TNFRSF9: variants seen among roughly 807,000 people sequenced by gnomAD.
The protein encoded by TNFRSF9 is tumor necrosis factor receptor superfamily member 9.
A neutral mutation model predicts 28.8 loss-of-function variants in TNFRSF9; 16 were observed. The observed-to-expected ratio is 0.55, with a 90% CI of 0.38 to 0.84. The LOEUF is 0.84. Among genes scored for constraint, TNFRSF9 ranks in the 40% least tolerant of loss-of-function variants. TNFRSF9 has a pLI of 0.00. For synonymous variants in TNFRSF9, 131 were observed against 117.0 expected (o/e 1.12, Z -0.77); for missense variants, 303 against 315.0 (o/e 0.96, Z 0.29).
At chr1:7,935,935 G>A (rs1254070943) in intron 5 of TNFRSF9, among the ~76,000 whole-genome samples, 6 of 152,246 alleles carry the variant, frequency 3.9e-5, no homozygotes, top group Non-Finnish European at 7.4e-5. Context: ...CATCTGACAC[G>A]CTGAGTAAAT....
chr1:7,929,259 A>G, intron 7 of TNFRSF9, among the ~76,000 whole-genome samples: 1 of 141,834 alleles, frequency 7.1e-6, no homozygotes, highest in South Asian at 2.2e-4. Context: ...TCCGCCTCCC[A>G]GGTTCAAGTA....
chr1:7,922,704 C>A (rs999698964), intron 7 of TNFRSF9, among the ~76,000 whole-genome samples: 1 of 151,614 alleles, frequency 6.6e-6, no homozygotes, highest in Non-Finnish European at 1.5e-5. Context: ...CTTAGCTATT[C>A]GGGAGTCTGA....
Position 7,933,292 on chromosome 1 carries a change from G to A in TNFRSF9, c.549C>T (p.His183=). 6.2e-7 allele frequency: 1 copy of A among 1,612,908 alleles called. No homozygotes were observed. The highest frequency in any genetic ancestry group is 8.5e-7 in the Non-Finnish European group (1 of 1,179,402). ...GAAAGAAGGAGATGATCTGCGGAGA[G>A]TGTCCTGCAAAACACAGCAAAAGGA... The part of the protein sequence containing the change: ...TPPAPAREPG[H]SPQIISFFLA... Residue 183 remains histidine (H), a synonymous_variant, in exon 7 of 8, where the codon CAC becomes CAT. Coordinates refer to ENST00000377507, the MANE Select transcript of TNFRSF9 (RefSeq NM_001561.6).
rs896810045 is a variant in TNFRSF9 at position 7,919,234 on chromosome 1, A to T, written c.*1601T>A. On this transcript the variant is annotated 3_prime_UTR_variant, in exon 8 of 8. Coordinates refer to ENST00000377507, the MANE Select transcript of TNFRSF9 (RefSeq NM_001561.6). ...ACAAAAGTGTAAGAAATGGCCAGGC[A>T]TGGTGGCTCATGCCTGTAATCCCAG... 4 of 152,190 alleles carry T rather than the reference A, an allele frequency of 2.6e-5. No homozygotes were observed. The highest frequency in any genetic ancestry group is 9.7e-5 in the African/African-American group (4 of 41,444). 9.4% of individuals were successfully genotyped at this position (152,190 alleles called of 1,614,324 possible). A position where few individuals can be genotyped will look rare whatever the true frequency, so the allele number is the denominator to read the frequency against.
chr1:7,938,905 A>C, intron 2 of TNFRSF9, 77 bp from the exon 3 acceptor site: 2 of 949,906 alleles, frequency 2.1e-6, no homozygotes, highest in Admixed American at 2.2e-5. Flanking sequence ...GTTTACAATA[A>C]AATAAGATTA....
At chr1:7,933,883 G>C (rs1048699498) in intron 6 of TNFRSF9, among the ~76,000 whole-genome samples, 2 of 151,952 alleles carry the variant, frequency 1.3e-5, no homozygotes, top group Admixed American at 1.3e-4. Flanking sequence ...TGGGTGCCGT[G>C]GTGGGCGCCT....
At chr1:7,932,410 G>A (rs1396719346) in intron 7 of TNFRSF9, among the ~76,000 whole-genome samples, 1 of 152,204 alleles carries the variant, frequency 6.6e-6, no homozygotes, top group African/African-American at 2.4e-5. Context: ...CTCAGTGCCA[G>A]GCACTTGCTG....
intron 7 of TNFRSF9, among the ~76,000 whole-genome samples, chr1:7,925,923 T>A (rs1191571808): frequency 6.6e-6 from 1 of 152,134 alleles, no homozygotes; most frequent in African/African-American, 2.4e-5. Flanking sequence ...TGGTTTCTAA[T>A]GGCGTCTCAC....
intron 3 of TNFRSF9, 28 bp downstream of exon 3, chr1:7,938,690 CTAG>C: frequency 1.3e-6 from 2 of 1,523,254 alleles, no homozygotes; most frequent in Non-Finnish European, 1.8e-6. Context: ...CAACTATCTT[CTAG>C]AAGAAGAAAA....
intron 7 of TNFRSF9, among the ~76,000 whole-genome samples, chr1:7,922,758 G>C (rs1578069737): frequency 6.6e-6 from 1 of 151,772 alleles, no homozygotes; most frequent in African/African-American, 2.4e-5. Flanking sequence ...GTTGCAGAGA[G>C]CTGAGATTAC....
At chr1:7,938,622 A>T in intron 3 of TNFRSF9, 99 bp downstream of exon 3, 1 of 1,064,942 alleles carries the variant, frequency 9.4e-7, no homozygotes, top group Admixed American at 2.2e-5. Flanking sequence ...TCAGTCTTTG[A>T]CACTTGAGAT....
intron 2 of TNFRSF9, among the ~76,000 whole-genome samples, chr1:7,939,550 C>T (rs773752183): frequency 6.6e-6 from 1 of 152,158 alleles, no homozygotes; most frequent in Non-Finnish European, 1.5e-5. Flanking sequence ...CGCGCTTACT[C>T]GCTGCTATGC....
intron 7 of TNFRSF9, among the ~76,000 whole-genome samples, chr1:7,921,404 A>C (rs1486787038): frequency 6.6e-6 from 1 of 151,230 alleles, no homozygotes; most frequent in Non-Finnish European, 1.5e-5. Context: ...GCAGTGGCTC[A>C]TGCCTGTAAT....
chr1:7,923,559 C>G (rs1639594198), intron 7 of TNFRSF9, among the ~76,000 whole-genome samples: 1 of 152,180 alleles, frequency 6.6e-6, no homozygotes, highest in Non-Finnish European at 1.5e-5. Context: ...GATCCAGAAA[C>G]TGGGTGTGGG....
chr1:7,933,250 AGTCGAC>A lies in TNFRSF9; in HGVS notation c.585_590del (p.Ser196_Thr197del). On this transcript the variant is annotated inframe_deletion, in exon 7 of 8. Transcript: ENST00000377507. Reference sequence around the variant, plus strand: ...GGAAGAACAGCAGGAAGAGCAACGCAGTCGACGTCAGCGCAAGAAAGAAGGAGATGA... The same window carrying A: ...GGAAGAACAGCAGGAAGAGCAACGCAGTCAGCGCAAGAAAGAAGGAGATGA... 6.2e-7 allele frequency: 1 copy of A among 1,613,974 alleles called. No individual in the cohort carries two copies. Among genetic ancestry groups the A allele is most frequent in the Non-Finnish European group, 8.5e-7 (1 of 1,179,864 alleles).
At chr1:7,928,287 GA>G (rs1195230489) in intron 7 of TNFRSF9, among the ~76,000 whole-genome samples, 2 of 152,316 alleles carry the variant, frequency 1.3e-5, no homozygotes, top group Admixed American at 1.3e-4. Flanking sequence ...TTGCACTCCT[GA>G]GCATTTATCA....
At chr1:7,922,811 C>CA (rs1291114857) in intron 7 of TNFRSF9, among the ~76,000 whole-genome samples, 2 of 150,664 alleles carry the variant, frequency 1.3e-5, no homozygotes, top group East Asian at 2.0e-4. Flanking sequence ...GACTCCATCT[C>CA]AAAAAAACAC....
chr1:7,936,401 G>A (rs892437458), intron 5 of TNFRSF9: 2 of 160,130 alleles, frequency 1.2e-5, no homozygotes, highest in African/African-American at 4.9e-5. Flanking sequence ...TGGGCAAGAA[G>A]AGCGAAACTC....
chr1:7,923,764 G>T (rs570823563), intron 7 of TNFRSF9, among the ~76,000 whole-genome samples: 1 of 152,210 alleles, frequency 6.6e-6, no homozygotes, highest in East Asian at 1.9e-4. Context: ...CTTGAGCCCA[G>T]GAAGTTGAGG....
Sources: gnomAD v4.1 joint callset for allele counts (sites outside exome capture counted in the v4.1 genomes callset) on GRCh38, gnomAD v4.1.1 for gene constraint, MANE v1.5 for transcripts, NCBI Gene and HGNC (gene_info 2026-07-23, HGNC 2026-07-21) for gene names.